CNTN5: variants seen among roughly 807,000 people sequenced by gnomAD.
The protein encoded by CNTN5 is contactin 5, also known as contactin-5.
Under a neutral mutation model 129.1 loss-of-function variants are expected in CNTN5, and 77 were observed. The ratio of observed to expected loss-of-function variants is 0.60; its 90% CI spans 0.50 to 0.72. The LOEUF (loss-of-function observed/expected upper bound fraction) is 0.72. Ranked by LOEUF, CNTN5 falls within the 30% of genes least tolerant of loss-of-function variation. The pLI, the probability that CNTN5 is intolerant of heterozygous loss-of-function variation, is 0.00. For synonymous variants in CNTN5, 509 were observed against 465.6 expected (o/e 1.09, Z -1.20); for missense variants, 1,478 against 1,328.8 (o/e 1.11, Z -1.75).
At chr11:100,223,189 G>T (rs534875803) in intron 15 of CNTN5, among the ~76,000 whole-genome samples, 1 of 152,176 alleles carries the variant, frequency 6.6e-6, no homozygotes, top group Non-Finnish European at 1.5e-5. Context: ...ACATTTTAAT[G>T]CATTCTCACT....
chr11:99,978,036 T>G (rs900784099), intron 8 of CNTN5, among the ~76,000 whole-genome samples: 3 of 152,268 alleles, frequency 2.0e-5, no homozygotes, highest in Non-Finnish European at 4.4e-5. Context: ...AGTGGTCTCA[T>G]GACATTATAA....
chr11:100,086,310 T>C (rs917957141), intron 13 of CNTN5, among the ~76,000 whole-genome samples: 2 of 150,564 alleles, frequency 1.3e-5, no homozygotes, highest in Admixed American at 1.3e-4. Flanking sequence ...TATAAATAAA[T>C]ATTACTTAAA....
chr11:99,482,745 A>G (rs1036641724), intron 2 of CNTN5, among the ~76,000 whole-genome samples: 6 of 152,212 alleles, frequency 3.9e-5, no homozygotes, highest in African/African-American at 1.2e-4. Flanking sequence ...CAACTTATTT[A>G]GACAGAACAC....
chr11:99,489,952 G>A (rs1945971626), intron 2 of CNTN5, among the ~76,000 whole-genome samples: 1 of 152,108 alleles, frequency 6.6e-6, no homozygotes. Context: ...TGAAACAAGT[G>A]CCTTGATCTT....
chr11:99,775,497 C>G (rs1945092509), intron 3 of CNTN5, among the ~76,000 whole-genome samples: 1 of 151,814 alleles, frequency 6.6e-6, no homozygotes. Context: ...TACTGAAGAG[C>G]TTTGGTCAAA....
At chr11:100,237,540 A>T (rs1414652996) in intron 16 of CNTN5, among the ~76,000 whole-genome samples, 1 of 152,130 alleles carries the variant, frequency 6.6e-6, no homozygotes, top group Non-Finnish European at 1.5e-5. Context: ...TTGTCCTCCC[A>T]AACACCTGGC....
chr11:99,730,905 G>A (rs1032437930), intron 3 of CNTN5, among the ~76,000 whole-genome samples: 6 of 152,228 alleles, frequency 3.9e-5, no homozygotes, highest in African/African-American at 1.2e-4. Context: ...CTACCTAAGT[G>A]TATGCATGTA....
chr11:99,374,418 A>G (rs1056031834), intron 2 of CNTN5, among the ~76,000 whole-genome samples: 3 of 152,158 alleles, frequency 2.0e-5, no homozygotes, highest in Admixed American at 2.0e-4. Flanking sequence ...TCAGTTTTTC[A>G]ATGTATATAA....
chr11:99,676,595 T>A (rs896755670), intron 3 of CNTN5, among the ~76,000 whole-genome samples: 1 of 152,222 alleles, frequency 6.6e-6, no homozygotes, highest in Non-Finnish European at 1.5e-5. Flanking sequence ...ACTTTGAATC[T>A]GCATTACTTT....
chr11:99,823,002 A>G (rs561508219), intron 4 of CNTN5, among the ~76,000 whole-genome samples: 63 of 152,342 alleles, frequency 4.1e-4, no homozygotes, highest in African/African-American at 1.4e-3. Context: ...CCAACAGCCC[A>G]AGAGTAAGTG....
intron 8 of CNTN5, among the ~76,000 whole-genome samples, chr11:99,959,166 C>G (rs539459957): frequency 6.6e-6 from 1 of 152,148 alleles, no homozygotes. Context: ...CTGTGACTGC[C>G]TTGAGATTCT....
chr11:99,048,668 A>G (rs961074588), intron 1 of CNTN5, among the ~76,000 whole-genome samples: 2 of 152,258 alleles, frequency 1.3e-5, no homozygotes, highest in African/African-American at 4.8e-5. Context: ...ACCAAACTAC[A>G]TTATGCTACA....
intron 2 of CNTN5, among the ~76,000 whole-genome samples, chr11:99,439,398 G>C (rs1331055798): frequency 6.6e-6 from 1 of 151,874 alleles, no homozygotes; most frequent in Non-Finnish European, 1.5e-5. Context: ...ACACAAATGG[G>C]CTAAATACTT....
chr11:99,747,198 T>C (rs1944081457), intron 3 of CNTN5, among the ~76,000 whole-genome samples: 1 of 152,184 alleles, frequency 6.6e-6, no homozygotes, highest in African/African-American at 2.4e-5. Context: ...TATTGCCTTC[T>C]TTATTTCATT....
At position 99,535,793 on chromosome 11, in the gene CNTN5, T is replaced by G. The variant is rs1264706938; in HGVS notation, c.-70-20352T>G. Among the ~76,000 whole-genome samples the G allele has an allele frequency of 6.9e-4, 105 of 151,988 alleles. 2 individuals carry two copies. The highest frequency in any genetic ancestry group is 1.2e-4 in the Non-Finnish European group (8 of 67,940). On this transcript the variant is annotated intron_variant, in intron 2 of 24. Coordinates refer to ENST00000524871, the MANE Select transcript of CNTN5 (RefSeq NM_014361.4). ...CTGGCTTTGTCTAGGTTATGTTCAG[T>G]TTTTTTTGGTAAAAAAATCTTCCAG...
At chr11:100,062,879 T>A (rs1943539543) in intron 10 of CNTN5, among the ~76,000 whole-genome samples, 1 of 152,186 alleles carries the variant, frequency 6.6e-6, no homozygotes, top group Non-Finnish European at 1.5e-5. Flanking sequence ...GGAAAAGTTT[T>A]TTTCTGTACC....
At chr11:99,889,307 TG>T (rs1948985393) in intron 6 of CNTN5, among the ~76,000 whole-genome samples, 1 of 110,820 alleles carries the variant, frequency 9.0e-6, no homozygotes, top group Non-Finnish European at 2.0e-5. Flanking sequence ...TGTGTGTGTG[TG>T]TGTGTGTGTG....
At chr11:99,835,307 T>C (rs1947267556) in intron 4 of CNTN5, among the ~76,000 whole-genome samples, 1 of 152,158 alleles carries the variant, frequency 6.6e-6, no homozygotes, top group Admixed American at 6.5e-5. Context: ...AAGGAATGAA[T>C]GACTTGGATT....
rs75305998 is a variant in CNTN5, at chr11:100,066,285, G to A, written c.1163-4139G>A. On this transcript the variant is annotated intron_variant, in intron 10 of 24. Transcript: ENST00000524871. ...TTTGAACCCATATTCATCCCCAACT[G>A]TATAATCTCTCCAATATAACACATT... 8.6e-3 allele frequency among the ~76,000 whole-genome samples: 1,307 copies of A among 152,128 alleles called. 21 individuals carry two copies. Among genetic ancestry groups the A allele is most frequent in the African/African-American group, 0.03 (1,242 of 41,530 alleles).
Sources: gnomAD v4.1 joint callset for allele counts (sites outside exome capture counted in the v4.1 genomes callset) on GRCh38, gnomAD v4.1.1 for gene constraint, MANE v1.5 for transcripts, NCBI Gene and HGNC (gene_info 2026-07-23, HGNC 2026-07-21) for gene names.